ST6GALNAC5: variants seen among roughly 807,000 people sequenced by gnomAD.
ST6GALNAC5 encodes alpha-N-acetylgalactosaminide alpha-2,6-sialyltransferase 5.
Under a neutral mutation model 33.6 loss-of-function variants are expected in ST6GALNAC5, and 27 were observed. That is an observed-to-expected ratio of 0.80 (90% CI 0.59 to 1.11). The LOEUF is 1.11. Among genes scored for constraint, ST6GALNAC5 ranks in the 50% least tolerant of loss-of-function variants. The pLI, the probability that ST6GALNAC5 is intolerant of heterozygous loss-of-function variation, is 0.00. For synonymous variants in ST6GALNAC5, 194 were observed against 171.2 expected (o/e 1.13, Z -1.04); for missense variants, 428 against 454.0 (o/e 0.94, Z 0.52).
intron 2 of ST6GALNAC5, among the ~76,000 whole-genome samples, chr1:76,965,629 A>C (rs1253093553): frequency 6.6e-6 from 1 of 151,920 alleles, no homozygotes; most frequent in Non-Finnish European, 1.5e-5. Context: ...CCATTTATCC[A>C]GTTTGGCTTT....
intron 2 of ST6GALNAC5, among the ~76,000 whole-genome samples, chr1:76,988,346 C>T (rs879688205): frequency 6.6e-6 from 1 of 151,912 alleles, no homozygotes; most frequent in Admixed American, 6.6e-5. Flanking sequence ...ATTATTCACT[C>T]TATGGTCAGT....
At chr1:76,894,645 T>C (rs909359002) in intron 2 of ST6GALNAC5, among the ~76,000 whole-genome samples, 3 of 152,222 alleles carry the variant, frequency 2.0e-5, no homozygotes, top group Admixed American at 1.3e-4. Context: ...TACAGCTTCA[T>C]AAGTGAAGAT....
intron 2 of ST6GALNAC5, among the ~76,000 whole-genome samples, chr1:76,984,511 A>T (rs1159048524): frequency 1.3e-5 from 2 of 152,190 alleles, no homozygotes; most frequent in East Asian, 3.9e-4. Flanking sequence ...TCTGAAATTG[A>T]GGCAATAATT....
chr1:76,869,560 ACT>A (rs1276662909), intron 2 of ST6GALNAC5, among the ~76,000 whole-genome samples: 2 of 151,776 alleles, frequency 1.3e-5, no homozygotes, highest in Admixed American at 6.6e-5. Flanking sequence ...ACACAATTCC[ACT>A]CTCTATCTGC....
chr1:76,915,681 G>A (rs1170444551), intron 2 of ST6GALNAC5, among the ~76,000 whole-genome samples: 3 of 149,562 alleles, frequency 2.0e-5, no homozygotes, highest in African/African-American at 2.5e-5. Context: ...CATCGCACTC[G>A]GGGGACTGTT....
intron 2 of ST6GALNAC5, among the ~76,000 whole-genome samples, chr1:76,914,037 T>C (rs899894896): frequency 6.6e-6 from 1 of 152,130 alleles, no homozygotes; most frequent in African/African-American, 2.4e-5. Flanking sequence ...CAAGCATTCT[T>C]ATACACCAAT....
At chr1:76,894,656 G>A (rs1385849405) in intron 2 of ST6GALNAC5, among the ~76,000 whole-genome samples, 1 of 152,134 alleles carries the variant, frequency 6.6e-6, no homozygotes, top group Non-Finnish European at 1.5e-5. Context: ...AAGTGAAGAT[G>A]GTGATGTTCC....
At chr1:76,871,844 C>A (rs1198040839) in intron 2 of ST6GALNAC5, among the ~76,000 whole-genome samples, 1 of 152,230 alleles carries the variant, frequency 6.6e-6, no homozygotes, top group African/African-American at 2.4e-5. Context: ...CTTTCCCAAT[C>A]CCTTTCCCCA....
intron 2 of ST6GALNAC5, among the ~76,000 whole-genome samples, chr1:76,952,551 T>C (rs1456219010): frequency 6.6e-6 from 1 of 152,092 alleles, no homozygotes; most frequent in African/African-American, 2.4e-5. Flanking sequence ...AGATATTGAA[T>C]GGTCTCAACC....
intron 2 of ST6GALNAC5, among the ~76,000 whole-genome samples, chr1:76,890,883 G>T (rs867254044): frequency 6.6e-6 from 1 of 152,076 alleles, no homozygotes; most frequent in Non-Finnish European, 1.5e-5. Context: ...TTGAGCATAA[G>T]ATATTCTCAA....
chr1:76,949,287 C>T (rs553007376), intron 2 of ST6GALNAC5, among the ~76,000 whole-genome samples: 6 of 152,168 alleles, frequency 3.9e-5, no homozygotes, highest in Non-Finnish European at 7.4e-5. Context: ...CAGTCTTGAT[C>T]TGTCAGAACT....
chr1:76,887,005 G>A lies in ST6GALNAC5; in HGVS notation c.261+18263G>A, dbSNP rs528383167. 8.5e-4 allele frequency among the ~76,000 whole-genome samples: 129 copies of A among 152,158 alleles called. No homozygotes were observed. In the South Asian group the frequency reaches 8.9e-3, roughly 11 times the overall value. The stretch of plus-strand genomic sequence containing the variant: ...TTTTGCCTATTAAAAATAATGCTGC[G>A]ATGAACACTGGTGTTCCCATTCATT... On this transcript the variant is annotated intron_variant, in intron 2 of 4. Transcript: ENST00000477717.
intron 2 of ST6GALNAC5, among the ~76,000 whole-genome samples, chr1:76,934,498 C>T (rs550988039): frequency 2.0e-5 from 3 of 152,016 alleles, no homozygotes; most frequent in South Asian, 2.1e-4. Context: ...TATTATCACC[C>T]GGGTTCTGCA....
At chr1:76,987,964 T>C (rs1358313075) in intron 2 of ST6GALNAC5, among the ~76,000 whole-genome samples, 2 of 152,104 alleles carry the variant, frequency 1.3e-5, no homozygotes, top group African/African-American at 4.8e-5. Flanking sequence ...CTCAAATATG[T>C]TTTCCAAACT....
intron 3 of ST6GALNAC5, among the ~76,000 whole-genome samples, chr1:77,045,296 A>G (rs926906447): frequency 6.6e-6 from 1 of 152,254 alleles, no homozygotes; most frequent in African/African-American, 2.4e-5. Flanking sequence ...AGAATAGAAA[A>G]GACATTATCA....
intron 2 of ST6GALNAC5, among the ~76,000 whole-genome samples, chr1:76,946,343 T>C (rs140924813): frequency 6.6e-6 from 1 of 152,224 alleles, no homozygotes; most frequent in East Asian, 1.9e-4. Flanking sequence ...AAGTTTTCAC[T>C]CAGAAAAGTC....
chr1:77,051,121 C>T (rs1232472082), intron 4 of ST6GALNAC5, among the ~76,000 whole-genome samples: 1 of 152,154 alleles, frequency 6.6e-6, no homozygotes, highest in East Asian at 1.9e-4. Context: ...GGGTGGGGGG[C>T]ATTTAAAACT....
chr1:77,043,654 A>G (rs914440450), intron 2 of ST6GALNAC5, among the ~76,000 whole-genome samples: 1 of 152,222 alleles, frequency 6.6e-6, no homozygotes, highest in Non-Finnish European at 1.5e-5. Flanking sequence ...TGGTACAAAC[A>G]TATTTGTACA....
chr1:76,894,347 C>T (rs1171606181), intron 2 of ST6GALNAC5, among the ~76,000 whole-genome samples: 1 of 152,164 alleles, frequency 6.6e-6, no homozygotes, highest in African/African-American at 2.4e-5. Flanking sequence ...ACACCGCACA[C>T]CTGCCACCAC....
Sources: allele counts gnomAD v4.1 joint callset (sites outside exome capture counted in the v4.1 genomes callset), GRCh38; gene constraint gnomAD v4.1.1; transcripts MANE v1.5; gene names NCBI Gene and HGNC (gene_info 2026-07-23, HGNC 2026-07-21).